The following SLC35F3 variants were observed in gnomAD, a reference collection of about 807,000 sequenced individuals.
SLC35F3 encodes the protein solute carrier family 35 member F3, also known as putative thiamine transporter SLC35F3.
In SLC35F3, 25 loss-of-function variants were observed where a neutral mutation model predicts 49.9. The ratio of observed to expected loss-of-function variants is 0.50; its 90% CI spans 0.37 to 0.70. The LOEUF (loss-of-function observed/expected upper bound fraction) is 0.70. SLC35F3 is among the 30% of genes least tolerant of loss of function. The pLI is 0.00. For synonymous variants in SLC35F3, 275 were observed against 265.4 expected (o/e 1.04, Z -0.35); for missense variants, 525 against 639.8 (o/e 0.82, Z 1.94).
At chr1:234,076,184 A>T (rs983282507) in intron 2 of SLC35F3, among the ~76,000 whole-genome samples, 1 of 152,180 alleles carries the variant, frequency 6.6e-6, no homozygotes, top group African/African-American at 2.4e-5. Context: ...AAAGTTAAAA[A>T]GCTATGAAAT....
At chr1:234,153,690 G>A (rs1286073345) in intron 2 of SLC35F3, among the ~76,000 whole-genome samples, 1 of 152,164 alleles carries the variant, frequency 6.6e-6, no homozygotes, top group Non-Finnish European at 1.5e-5. Context: ...ATTTTGGGAG[G>A]CAGAGGTGGG....
intron 2 of SLC35F3, among the ~76,000 whole-genome samples, chr1:234,219,191 G>T (rs1216094308): frequency 6.6e-6 from 1 of 152,006 alleles, no homozygotes; most frequent in African/African-American, 2.4e-5. Context: ...AGTGTTGGGT[G>T]ATCTCAGCTG....
At position 234,021,739 on chromosome 1, in the gene SLC35F3, C is replaced by T. The variant is rs2102843264; in HGVS notation, c.283+115981C>T. On this transcript the variant is annotated intron_variant, in intron 2 of 7. Coordinates refer to ENST00000366618, the MANE Select transcript of SLC35F3 (RefSeq NM_173508.4). ...GTCTGCAACCTCCCTTTCCTTACCA[C>T]TGGCTTTACTATTCCACGCACACCA... 2.0e-5 allele frequency among the ~76,000 whole-genome samples: 3 copies of T among 152,356 alleles called. No homozygotes were observed. The Middle Eastern group carries it at 0.01, about 518-fold the overall frequency.
At chr1:234,204,305 G>A (rs1035808327) in intron 2 of SLC35F3, among the ~76,000 whole-genome samples, 8 of 151,136 alleles carry the variant, frequency 5.3e-5, no homozygotes, top group Non-Finnish European at 8.8e-5. Context: ...CTCATCAGCA[G>A]TACATGGAAT....
chr1:234,303,774 C>T (rs1668728525), intron 3 of SLC35F3, among the ~76,000 whole-genome samples: 1 of 152,080 alleles, frequency 6.6e-6, no homozygotes, highest in Admixed American at 6.6e-5. Flanking sequence ...TTTAGGTTTT[C>T]TCTTTATACC....
chr1:233,988,306 T>C (rs1663298612), intron 2 of SLC35F3, among the ~76,000 whole-genome samples: 1 of 152,216 alleles, frequency 6.6e-6, no homozygotes, highest in African/African-American at 2.4e-5. Context: ...TTGCTACTTT[T>C]TAGGGAAATG....
intron 2 of SLC35F3, among the ~76,000 whole-genome samples, chr1:234,230,302 G>A (rs910980967): frequency 5.3e-5 from 8 of 152,218 alleles, no homozygotes; most frequent in African/African-American, 1.4e-4. Context: ...GCTTCAGAAA[G>A]TATGATATAC....
At chr1:234,301,229 C>A (rs543063035) in intron 3 of SLC35F3, among the ~76,000 whole-genome samples, 1 of 152,142 alleles carries the variant, frequency 6.6e-6, no homozygotes, top group South Asian at 2.1e-4. Flanking sequence ...TTGAAGAGAA[C>A]CCTAAGAAAA....
chr1:234,230,598 G>C (rs1667352284), intron 2 of SLC35F3, among the ~76,000 whole-genome samples: 2 of 152,204 alleles, frequency 1.3e-5, no homozygotes, highest in Non-Finnish European at 1.5e-5. Flanking sequence ...AAAGCAAACA[G>C]TGGAAAATAA....
rs184693037 is a variant in SLC35F3 at position 234,155,074 on chromosome 1, T to A, written c.284-76343T>A. On this transcript the variant is annotated intron_variant, in intron 2 of 7. Transcript: ENST00000366618. ...ATAATACCTAACACAATGTAAATGC[T>A]ATGTTAATAGTTGTTATGCTGTATT... Among the ~76,000 whole-genome samples, 33 of 152,356 alleles carry A rather than the reference T, an allele frequency of 2.2e-4. No individual in the cohort carries two copies. The East Asian group carries it at 5.4e-3, about 25-fold the overall frequency.
intron 2 of SLC35F3, among the ~76,000 whole-genome samples, chr1:234,123,804 A>G (rs973132661): frequency 2.6e-5 from 4 of 152,158 alleles, no homozygotes; most frequent in Non-Finnish European, 2.9e-5. Context: ...CTGATGTAAG[A>G]AAAGAATCTA....
chr1:234,109,871 A>T (rs1572055656), intron 2 of SLC35F3, among the ~76,000 whole-genome samples: 1 of 152,182 alleles, frequency 6.6e-6, no homozygotes, highest in Non-Finnish European at 1.5e-5. Context: ...AGAAGGAGGC[A>T]TTTGAGCTGG....
intron 2 of SLC35F3, among the ~76,000 whole-genome samples, chr1:234,170,667 C>A (rs1170926381): frequency 6.6e-6 from 1 of 152,210 alleles, no homozygotes; most frequent in Non-Finnish European, 1.5e-5. Flanking sequence ...ATTCACAACA[C>A]AGACCAAAAA....
intron 2 of SLC35F3, among the ~76,000 whole-genome samples, chr1:234,042,870 G>T (rs142532279): frequency 7.3e-4 from 111 of 152,278 alleles, no homozygotes; most frequent in African/African-American, 2.5e-3. Flanking sequence ...TTGACGAGCA[G>T]CCGTCTTCCG....
intron 2 of SLC35F3, among the ~76,000 whole-genome samples, chr1:233,985,504 A>C (rs1230057291): frequency 6.6e-6 from 1 of 152,224 alleles, no homozygotes; most frequent in South Asian, 2.1e-4. Context: ...TTAACATGTC[A>C]TGTAAGTGTG....
chr1:234,121,771 T>C (rs1166794417), intron 2 of SLC35F3, among the ~76,000 whole-genome samples: 1 of 152,188 alleles, frequency 6.6e-6, no homozygotes, highest in African/African-American at 2.4e-5. Context: ...TGTCCAGGTG[T>C]TCTCATTGTT....
intron 2 of SLC35F3, among the ~76,000 whole-genome samples, chr1:234,018,025 A>G (rs960808451): frequency 2.6e-5 from 4 of 152,056 alleles, no homozygotes; most frequent in African/African-American, 9.7e-5. Context: ...CGTGACACTC[A>G]GTAGATCTAG....
chr1:234,129,279 C>A (rs1207015535), intron 2 of SLC35F3, among the ~76,000 whole-genome samples: 2 of 152,142 alleles, frequency 1.3e-5, no homozygotes. Flanking sequence ...ATTGAAGCCA[C>A]AATGAGATGT....
intron 3 of SLC35F3, among the ~76,000 whole-genome samples, chr1:234,251,849 AC>A (rs1321370745): frequency 1.3e-5 from 2 of 152,210 alleles, no homozygotes; most frequent in East Asian, 3.8e-4. Context: ...AAGGAAAGAT[AC>A]ATTACTTAGT....
Sources: gnomAD v4.1 joint callset for allele counts (sites outside exome capture counted in the v4.1 genomes callset) on GRCh38, gnomAD v4.1.1 for gene constraint, MANE v1.5 for transcripts, NCBI Gene and HGNC (gene_info 2026-07-23, HGNC 2026-07-21) for gene names.